The following PTAR1 variants were observed in gnomAD, a reference collection of about 807,000 sequenced individuals.
PTAR1 encodes the protein protein prenyltransferase alpha subunit repeat-containing protein 1.
A neutral mutation model predicts 45.5 loss-of-function variants in PTAR1; 17 were observed. The observed-to-expected ratio is 0.37, with a 90% CI of 0.26 to 0.56. The LOEUF is 0.56. Ranked by LOEUF, PTAR1 falls within the 20% of genes least tolerant of loss-of-function variation. PTAR1 has a pLI of 0.77. For missense variants in PTAR1, 391 were observed against 476.3 expected (o/e 0.82, Z 1.67); for synonymous variants, 169 against 171.3 (o/e 0.99, Z 0.11).
chr9:69,724,331 A>G lies in PTAR1; in HGVS notation c.643-701T>C, dbSNP rs1167362762. ...TTGTGATACCAATATCTTGCAAACT[A>G]AAGAATTTCAAATGAAATGATTTTT... On this transcript the variant is annotated intron_variant, in intron 5 of 7. Coordinates refer to ENST00000340434, the MANE Select transcript of PTAR1 (RefSeq NM_001099666.2). Among the ~76,000 whole-genome samples the G allele has an allele frequency of 2.0e-5, 3 of 152,342 alleles. No homozygotes were observed. The South Asian group carries it at 6.2e-4, about 32-fold the overall frequency.
intron 5 of PTAR1, 51 bp from the exon 6 acceptor site, chr9:69,723,681 C>A: frequency 1.4e-6 from 2 of 1,386,564 alleles, no homozygotes; most frequent in African/African-American, 1.4e-5. Flanking sequence ...AAAGGTTCTT[C>A]TTTCTCCATT....
intron 5 of PTAR1, among the ~76,000 whole-genome samples, chr9:69,731,175 C>T (rs996262088): frequency 2.0e-5 from 3 of 152,200 alleles, no homozygotes; most frequent in African/African-American, 7.2e-5. Flanking sequence ...AAAAGTCTCC[C>T]ATTTGCCCTG....
chr9:69,759,962 G>A lies in PTAR1; in HGVS notation c.-24C>T, dbSNP rs950910620. On this transcript the variant is annotated 5_prime_UTR_variant, in exon 1 of 8. Coordinates refer to ENST00000340434, the MANE Select transcript of PTAR1 (RefSeq NM_001099666.2). ...ATGTTGGCGGCGGCCGCGACAGTTC[G>A]GGCGCGCCTCCGCGTGAGCCGGGCC... is the stretch of plus-strand genomic sequence containing the variant. 13 of 1,463,338 alleles carry A rather than the reference G, an allele frequency of 8.9e-6. No homozygotes were observed. The highest frequency in any genetic ancestry group is 1.5e-5 in the African/African-American group (1 of 67,944). 90.6% of individuals were successfully genotyped at this position (1,463,338 alleles called of 1,614,324 possible).
intron 1 of PTAR1, among the ~76,000 whole-genome samples, chr9:69,753,038 T>C (rs11140150): frequency 0.018 from 2,743 of 152,234 alleles, 75 homozygotes; most frequent in African/African-American, 0.063. Flanking sequence ...TATAATAACC[T>C]ACTTACAACA....
At chr9:69,759,126 T>C (rs1448554907) in intron 1 of PTAR1, among the ~76,000 whole-genome samples, 1 of 152,220 alleles carries the variant, frequency 6.6e-6, no homozygotes, top group Non-Finnish European at 1.5e-5. Flanking sequence ...GAGATACATA[T>C]GTCAGTTCTG....
At chr9:69,751,002 C>CA in intron 1 of PTAR1, 52 bp from the exon 2 acceptor site, 2 of 1,246,822 alleles carry the variant, frequency 1.6e-6, no homozygotes, top group South Asian at 3.1e-5. Flanking sequence ...CTAACCTTTT[C>CA]AACATTTTTC....
chr9:69,747,038 T>C (rs899234009), intron 2 of PTAR1, among the ~76,000 whole-genome samples: 2 of 152,234 alleles, frequency 1.3e-5, no homozygotes, highest in Non-Finnish European at 2.9e-5. Context: ...TTGTTTATTA[T>C]AGTACACAGT....
chr9:69,752,772 G>T (rs1341216981), intron 1 of PTAR1, among the ~76,000 whole-genome samples: 2 of 152,128 alleles, frequency 1.3e-5, no homozygotes, highest in East Asian at 3.9e-4. Flanking sequence ...GGACAAAGCT[G>T]AAAGAGCACC....
chr9:69,756,714 C>A (rs113754189), intron 1 of PTAR1, among the ~76,000 whole-genome samples: 1 of 152,066 alleles, frequency 6.6e-6, no homozygotes, highest in Non-Finnish European at 1.5e-5. Context: ...CACCCCTATC[C>A]GAGACATAAC....
Position 69,715,960 on chromosome 9 carries a change from G to C in PTAR1, c.*2382C>G, listed in dbSNP as rs1365407053. ...AAGGACTGTGCGGCTTCAGAAAAGA[G>C]TGGGTTAAGAGCCTTAGAAGATATG... On this transcript the variant is annotated 3_prime_UTR_variant, in exon 8 of 8. Transcript: ENST00000340434. 1 of 152,142 alleles carries C rather than the reference G, an allele frequency of 6.6e-6. No homozygotes were observed. Among genetic ancestry groups the C allele is most frequent in the South Asian group, 2.1e-4 (1 of 4,826 alleles). The allele number at this position is 152,142 out of a possible 1,614,324, so 9.4% of individuals were successfully genotyped here. A position where few individuals can be genotyped will look rare whatever the true frequency, so the allele number is the denominator to read the frequency against.
chr9:69,712,721 TC>T lies in PTAR1; in HGVS notation c.*5620del, dbSNP rs1181926015. The T allele has an allele frequency of 6.6e-6, 1 of 152,094 alleles. No homozygotes were observed. The highest frequency in any genetic ancestry group is 1.9e-4 in the East Asian group (1 of 5,188). The allele number at this position is 152,094 out of a possible 1,614,324, so 9.4% of individuals were successfully genotyped here. A position where few individuals can be genotyped will look rare whatever the true frequency, so the allele number is the denominator to read the frequency against. On this transcript the variant is annotated 3_prime_UTR_variant, in exon 8 of 8. Transcript: ENST00000340434. ...TTGTCAATTTGAAAACCAACGGTAATCATTTTCCTCAACAGTATTTCTAAAA... is the reference window on the plus strand; with the variant it reads ...TTGTCAATTTGAAAACCAACGGTAATATTTTCCTCAACAGTATTTCTAAAA...
chr9:69,718,807 A>C (rs973591549), intron 6 of PTAR1, 123 bp from the exon 7 acceptor site: 14 of 646,214 alleles, frequency 2.2e-5, no homozygotes, highest in Admixed American at 3.1e-5. Context: ...TTTCATAACC[A>C]AGTTATACAG....
At chr9:69,719,321 C>CA (rs1482927647) in intron 6 of PTAR1, among the ~76,000 whole-genome samples, 1 of 152,082 alleles carries the variant, frequency 6.6e-6, no homozygotes, top group African/African-American at 2.4e-5. Context: ...CCGAGGAGAG[C>CA]AATTCTCCTG....
chr9:69,749,788 G>A (rs1430729942), intron 2 of PTAR1, among the ~76,000 whole-genome samples: 1 of 152,056 alleles, frequency 6.6e-6, no homozygotes, highest in Non-Finnish European at 1.5e-5. Context: ...CCCCCAAAGA[G>A]ATTATCACTC....
intron 6 of PTAR1, among the ~76,000 whole-genome samples, chr9:69,723,074 C>T (rs1825100397): frequency 6.6e-6 from 1 of 151,934 alleles, no homozygotes; most frequent in Non-Finnish European, 1.5e-5. Flanking sequence ...TTCTGTTGCA[C>T]AGTCAAGGTT....
At chr9:69,727,523 AC>A (rs771077614) in intron 5 of PTAR1, among the ~76,000 whole-genome samples, 15 of 143,468 alleles carry the variant, frequency 1.0e-4, no homozygotes, top group South Asian at 6.6e-4. Flanking sequence ...AAAAAAAAAA[AC>A]CACCTAACTT....
Position 69,723,138 on chromosome 9 carries a change from A to G in PTAR1, c.947+188T>C, listed in dbSNP as rs10867963. On this transcript the variant is annotated intron_variant, in intron 6 of 7. Coordinates refer to ENST00000340434, the MANE Select transcript of PTAR1 (RefSeq NM_001099666.2). ...AGATCTACATGAGGAATCTCTTATT[A>G]ATGATGATGATGATGATGATGACGA... Among the ~76,000 whole-genome samples, 30 of 3,756 alleles carry G rather than the reference A, an allele frequency of 8.0e-3. No individual in the cohort carries two copies. In the East Asian group the frequency reaches 0.18, roughly 22 times the overall value. The allele number at this position is 3,756 out of a possible 152,430, so 2.5% of individuals were successfully genotyped here.
chr9:69,752,309 C>T (rs1370720751), intron 1 of PTAR1, among the ~76,000 whole-genome samples: 1 of 152,046 alleles, frequency 6.6e-6, no homozygotes, highest in Non-Finnish European at 1.5e-5. Flanking sequence ...GCCACTATCA[C>T]AAATTGGTAG....
In PTAR1 at chr9:69,713,199, G is replaced by A. The variant is rs1742431251; in HGVS notation, c.*5143C>T. ...GCAGACTAAACTACTGCCCTGTATT[G>A]TTCTTAGCAAAGAGTTTGGTTTTAC... On this transcript the variant is annotated 3_prime_UTR_variant, in exon 8 of 8. Transcript: ENST00000340434. 6.6e-6 allele frequency: 1 copy of A among 152,052 alleles called. No individual in the cohort carries two copies. The highest frequency in any genetic ancestry group is 2.4e-5 in the African/African-American group (1 of 41,396). 9.4% of individuals were successfully genotyped at this position (152,052 alleles called of 1,614,324 possible). A position where few individuals can be genotyped will look rare whatever the true frequency, so the allele number is the denominator to read the frequency against.
Sources: allele counts gnomAD v4.1 joint callset (sites outside exome capture counted in the v4.1 genomes callset), GRCh38; gene constraint gnomAD v4.1.1; transcripts MANE v1.5; gene names NCBI Gene and HGNC (gene_info 2026-07-23, HGNC 2026-07-21).